The following ACBD6 variants were observed in gnomAD, a reference collection of about 807,000 sequenced individuals.
ACBD6 encodes acyl-CoA binding domain containing 6.
ACBD6 carries 28 observed loss-of-function variants against 37.2 expected under a neutral mutation model. That is an observed-to-expected ratio of 0.75 (90% CI 0.56 to 1.03). The LOEUF (loss-of-function observed/expected upper bound fraction) is 1.03, where lower values mean the gene tolerates loss of function less well. ACBD6 is among the 50% of genes least tolerant of loss of function. The pLI, the probability that ACBD6 is intolerant of heterozygous loss-of-function variation, is 0.00. For synonymous variants in ACBD6, 113 were observed against 126.8 expected (o/e 0.89, Z 0.73); for missense variants, 340 against 337.4 (o/e 1.01, Z -0.06).
At chr1:180,443,764 C>A (rs1373595437) in intron 3 of ACBD6, among the ~76,000 whole-genome samples, 4 of 146,990 alleles carry the variant, frequency 2.7e-5, no homozygotes, top group African/African-American at 7.5e-5. Flanking sequence ...AGACACCCGC[C>A]ACCACGCCCA....
At chr1:180,297,450 T>G (rs544846894) in intron 7 of ACBD6, among the ~76,000 whole-genome samples, 22 of 152,074 alleles carry the variant, frequency 1.4e-4, no homozygotes, top group Non-Finnish European at 2.9e-4. Context: ...CGATGTGGGG[T>G]TTCTTAGAAG....
At chr1:180,413,269 C>CT in intron 5 of ACBD6, 97 bp downstream of exon 5, 1 of 875,642 alleles carries the variant, frequency 1.1e-6, no homozygotes, top group Non-Finnish European at 1.9e-6. Flanking sequence ...CCATACTGTA[C>CT]TTTGAGTTGT....
Position 180,460,295 on chromosome 1 carries a change from C to T in ACBD6, c.385-30033G>A, listed in dbSNP as rs528188376. On this transcript the variant is annotated intron_variant, in intron 3 of 7. Transcript: ENST00000367595. Reference sequence around the variant, plus strand: ...AAACTTCCTGGAACAAAGTTCCCGGCGTAGGGGCAGGCTGCCATCTTTGCT... The same window carrying T: ...AAACTTCCTGGAACAAAGTTCCCGGTGTAGGGGCAGGCTGCCATCTTTGCT... Among the ~76,000 whole-genome samples the T allele has an allele frequency of 9.2e-5, 14 of 152,280 alleles. No individual in the cohort carries two copies. The South Asian group carries it at 1.9e-3, about 20-fold the overall frequency.
intron 2 of ACBD6, among the ~76,000 whole-genome samples, chr1:180,493,369 T>G (rs1327682078): frequency 6.6e-6 from 1 of 151,566 alleles, no homozygotes; most frequent in Non-Finnish European, 1.5e-5. Flanking sequence ...TGAGCTTCCT[T>G]TTGGGTCATC....
rs114160395 is a variant in ACBD6 at position 180,429,391 on chromosome 1, A to G, written c.467+789T>C. On this transcript the variant is annotated intron_variant, in intron 4 of 7. Transcript: ENST00000367595. ...TTCTTGTGACTGGCTTATTTCACTT[A>G]GCGTAATATCCTCAAGGTTCATACA... Among the ~76,000 whole-genome samples, 1,065 of 152,322 alleles carry G rather than the reference A, an allele frequency of 7.0e-3. 14 individuals carry two copies. Among genetic ancestry groups the G allele is most frequent in the African/African-American group, 0.025 (1,028 of 41,574 alleles).
intron 7 of ACBD6, among the ~76,000 whole-genome samples, chr1:180,302,299 T>G (rs530800706): frequency 3.0e-4 from 46 of 152,228 alleles, no homozygotes; most frequent in African/African-American, 1.1e-3. Flanking sequence ...TTGATATTTC[T>G]AGGCTGCAAA....
At chr1:180,422,481 C>T (rs1463615360) in intron 4 of ACBD6, among the ~76,000 whole-genome samples, 2 of 152,174 alleles carry the variant, frequency 1.3e-5, no homozygotes, top group Non-Finnish European at 2.9e-5. Flanking sequence ...GCTCCCAAGG[C>T]CACCCTGTGA....
At chr1:180,396,169 T>C (rs1157448904) in intron 6 of ACBD6, among the ~76,000 whole-genome samples, 2 of 152,126 alleles carry the variant, frequency 1.3e-5, no homozygotes, top group East Asian at 1.9e-4. Context: ...AATTAGTGTT[T>C]AATGGTTAGA....
chr1:180,501,272 A>G (rs1343193659), intron 1 of ACBD6, among the ~76,000 whole-genome samples: 2 of 152,224 alleles, frequency 1.3e-5, no homozygotes, highest in Non-Finnish European at 2.9e-5. Flanking sequence ...GAAAACATAA[A>G]TCAAAGATAT....
At chr1:180,382,107 T>C (rs1257297192) in intron 6 of ACBD6, among the ~76,000 whole-genome samples, 3 of 121,300 alleles carry the variant, frequency 2.5e-5, no homozygotes, top group Middle Eastern at 4.4e-3. Context: ...AGAACAAGAC[T>C]GCATCTCAAA....
rs566433380 is a variant in ACBD6 at position 180,429,716 on chromosome 1, C to T, written c.467+464G>A. Among the ~76,000 whole-genome samples the T allele has an allele frequency of 3.3e-5, 5 of 151,872 alleles. No homozygotes were observed. The East Asian group carries it at 9.6e-4, about 29-fold the overall frequency. On this transcript the variant is annotated intron_variant, in intron 4 of 7. Transcript: ENST00000367595. Reference sequence around the variant, plus strand: ...ATACTCCAAAATTACTTTTAATTTACAGCAAATTAAATTAACTTTTAATTA... The same window carrying T: ...ATACTCCAAAATTACTTTTAATTTATAGCAAATTAAATTAACTTTTAATTA...
intron 6 of ACBD6, among the ~76,000 whole-genome samples, chr1:180,372,792 C>T (rs1268888248): frequency 6.6e-6 from 1 of 152,148 alleles, no homozygotes; most frequent in African/African-American, 2.4e-5. Flanking sequence ...TGGGTACAGA[C>T]TGAACATCAG....
intron 5 of ACBD6, among the ~76,000 whole-genome samples, chr1:180,405,316 G>C (rs1043733508): frequency 6.6e-6 from 1 of 152,122 alleles, no homozygotes; most frequent in African/African-American, 2.4e-5. Context: ...AGTAGAAAAG[G>C]AAACGAATGG....
intron 6 of ACBD6, among the ~76,000 whole-genome samples, chr1:180,394,609 A>C (rs1241855114): frequency 6.6e-6 from 1 of 152,358 alleles, no homozygotes; most frequent in Admixed American, 6.5e-5. Context: ...ACATGAACAG[A>C]AAACCAGAGC....
intron 7 of ACBD6, among the ~76,000 whole-genome samples, chr1:180,303,633 A>C (rs1036876431): frequency 6.6e-6 from 1 of 150,702 alleles, no homozygotes; most frequent in Non-Finnish European, 1.5e-5. Flanking sequence ...CAACCAAAAA[A>C]AGTCCAGGAC....
At chr1:180,304,847 A>C (rs1274271273) in intron 7 of ACBD6, among the ~76,000 whole-genome samples, 1 of 151,920 alleles carries the variant, frequency 6.6e-6, no homozygotes, top group East Asian at 1.9e-4. Context: ...ACCTGACTTC[A>C]AACTATACTA....
chr1:180,413,417 T>C lies in ACBD6; in HGVS notation c.522A>G (p.Ile174Met), dbSNP rs200927135. The C allele has an allele frequency of 1.9e-5, 31 of 1,613,606 alleles. No individual in the cohort carries two copies. Among genetic ancestry groups the C allele is most frequent in the Middle Eastern group, 3.3e-4 (2 of 6,056 alleles). The change falls in exon 5 of 8, where the codon ATA becomes ATG. Residue 174 changes from isoleucine to methionine, a missense_variant. Ile to Met is a conservative substitution (Grantham distance 10). Transcript: ENST00000367595. Reference sequence around the variant, plus strand: ...CATTTTTCGATTTGATGGCTTTGGTTATATGGTCAATGTTGTTTTCCCTGC... The same window carrying C: ...CATTTTTCGATTTGATGGCTTTGGTCATATGGTCAATGTTGTTTTCCCTGC... ...DYCRENNIDH[I>M]TKAIKSKNVD... is the part of the protein sequence containing the mutation.
At chr1:180,418,526 C>G (rs777735986) in intron 4 of ACBD6, among the ~76,000 whole-genome samples, 2 of 151,560 alleles carry the variant, frequency 1.3e-5, no homozygotes, top group Non-Finnish European at 2.9e-5. Flanking sequence ...TTACAGTGAG[C>G]TATAATCACA....
intron 3 of ACBD6, chr1:180,438,323 T>G (rs778817728): frequency 6.5e-6 from 1 of 152,854 alleles, no homozygotes; most frequent in African/African-American, 2.4e-5. Flanking sequence ...AAAATGTTTC[T>G]GTCCTTTGCC....
Sources: allele counts gnomAD v4.1 joint callset (sites outside exome capture counted in the v4.1 genomes callset), GRCh38; gene constraint gnomAD v4.1.1; transcripts MANE v1.5; gene names NCBI Gene and HGNC (gene_info 2026-07-23, HGNC 2026-07-21).